Variants in GEN1 observed in about 807,000 individuals in gnomAD.
The protein encoded by GEN1 is flap endonuclease GEN homolog 1.
Under a neutral mutation model 67.6 loss-of-function variants are expected in GEN1, and 64 were observed. That is an observed-to-expected ratio of 0.95 (90% confidence interval 0.77 to 1.17). The LOEUF (loss-of-function observed/expected upper bound fraction) is 1.17, where lower values mean the gene tolerates loss of function less well. Among genes scored for constraint, GEN1 ranks in the 50% most tolerant of loss-of-function variants. The probability of loss-of-function intolerance (pLI) is 0.00; values close to 1 mark genes in which losing one functional copy is unlikely to be tolerated. For missense variants in GEN1, 1,058 were observed against 1,048.3 expected, an observed-to-expected ratio of 1.01 and a Z score of -0.13; for synonymous variants, 371 against 359.4, an observed-to-expected ratio of 1.03 and a Z score of -0.37.
intron 12 of GEN1, 116 bp downstream of exon 12, chr2:17,778,179 T>C (rs1462840873): frequency 6.5e-5 from 27 of 415,080 alleles, no homozygotes; most frequent in Admixed American, 2.0e-4. Context: ...TATGTGTATA[T>C]ATATATATAC....
intron 6 of GEN1, among the ~76,000 whole-genome samples, chr2:17,770,163 A>G (rs1046400168): frequency 6.6e-6 from 1 of 152,216 alleles, no homozygotes; most frequent in African/African-American, 2.4e-5. Flanking sequence ...AAGCAAGTGA[A>G]TATAACACCT....
Position 17,773,146 on chromosome 2 carries a change from A to G in GEN1, c.990+14A>G. 1.9e-6 allele frequency: 3 copies of G among 1,571,810 alleles called. No homozygotes were observed. The highest frequency in any genetic ancestry group is 1.1e-5 in the South Asian group (1 of 89,426). On this transcript the variant is annotated intron_variant, in intron 9 of 13. Transcript: ENST00000381254. The stretch of plus-strand genomic sequence containing the variant: ...CCATTCCATGAGGTAATATCCAGTA[A>G]TTCAACTCTATTAATTTTAGAAACT...
upstream of GEN1, chr2:17,754,076 G>A (rs1269289406): frequency 1.3e-5 from 2 of 152,348 alleles, no homozygotes; most frequent in East Asian, 3.9e-4. Context: ...AAGCCGAGCG[G>A]GCCCCATTGG....
chr2:17,761,475 C>T lies in GEN1; in HGVS notation c.241C>T (p.Leu81=), dbSNP rs1236497686. ...VFVMEGEPPK[L]KADVISKRNQ... is the part of the protein sequence containing the mutation. ...TGTTATGGAAGGGGAACCACCAAAG[C>T]TGAAAGCTGATGTCATAAGCAAGAG... is the stretch of plus-strand genomic sequence containing the variant. The change falls in exon 3 of 14, where the codon CTG becomes TTG. Residue 81 remains leucine (L), a synonymous_variant. Coordinates refer to ENST00000381254, the MANE Select transcript of GEN1 (RefSeq NM_001130009.3). The T allele has an allele frequency of 6.2e-7, 1 of 1,613,012 alleles. No individual in the cohort carries two copies. The highest frequency in any genetic ancestry group is 1.7e-5 in the Admixed American group (1 of 60,014).
Position 17,783,579 on chromosome 2 carries a change from CTGATTT to C in GEN1, c.*1642_*1647del, listed in dbSNP as rs944508987. ...AAAGAGTTTGAATGACCCACCCTTCCTGATTTTAAGTATACAGAACTACAGTAATGA... is the reference window on the plus strand; with the variant it reads ...AAAGAGTTTGAATGACCCACCCTTCCTAAGTATACAGAACTACAGTAATGA... On this transcript the variant is annotated 3_prime_UTR_variant, in exon 14 of 14. Transcript: ENST00000381254. The C allele has an allele frequency of 1.3e-5, 2 of 152,138 alleles. No homozygotes were observed. The highest frequency in any genetic ancestry group is 4.8e-5 in the African/African-American group (2 of 41,414). The allele number at this position is 152,138 out of a possible 1,614,324, so 9.4% of individuals were successfully genotyped here.
At chr2:17,769,107 C>A (rs949452292) in intron 6 of GEN1, among the ~76,000 whole-genome samples, 1 of 152,062 alleles carries the variant, frequency 6.6e-6, no homozygotes, top group Non-Finnish European at 1.5e-5. Flanking sequence ...GCAATCTCAA[C>A]CTGCCGGAGT....
chr2:17,759,509 G>A (rs983862424), intron 1 of GEN1, among the ~76,000 whole-genome samples: 1 of 151,270 alleles, frequency 6.6e-6, no homozygotes, highest in Admixed American at 6.6e-5. Flanking sequence ...ATTTTCTCTC[G>A]TTTCTTCTTC....
At chr2:17,771,944 A>G (rs945402759) in intron 7 of GEN1, among the ~76,000 whole-genome samples, 2 of 152,088 alleles carry the variant, frequency 1.3e-5, no homozygotes, top group East Asian at 3.8e-4. Flanking sequence ...AATTATAGAT[A>G]AAATCATGGA....
chr2:17,755,495 A>G (rs541086350), intron 1 of GEN1: 2 of 152,358 alleles, frequency 1.3e-5, no homozygotes, highest in African/African-American at 4.8e-5. Flanking sequence ...CGTTTAGGCT[A>G]AATTCATATG....
At position 17,782,155 on chromosome 2, in the gene GEN1, A is replaced by G. The variant is rs1360828450; in HGVS notation, c.*216A>G. 2.4e-6 allele frequency: 1 copy of G among 415,104 alleles called. No homozygotes were observed. The highest frequency in any genetic ancestry group is 4.3e-6 in the Non-Finnish European group (1 of 235,038). The allele number at this position is 415,104 out of a possible 1,614,324, so 25.7% of individuals were successfully genotyped here. ...TTGAAAACTTCTGATAATGTATGTC[A>G]TTATGTCCTTACTATTCCTTAATTG... On this transcript the variant is annotated 3_prime_UTR_variant, in exon 14 of 14. Coordinates refer to ENST00000381254, the MANE Select transcript of GEN1 (RefSeq NM_001130009.3).
rs1287646809 is a variant in GEN1, at chr2:17,780,740, G to T, written c.1528G>T (p.Gly510Trp). ...FHKQNSKLNS[G>W]ISPDPTLPQE... is the part of the protein sequence containing the mutation. Reference sequence around the variant, plus strand: ...TAAGCAGAATTCCAAGTTAAATTCGGGGATTTCCCCTGATCCTACATTACC... The same window carrying T: ...TAAGCAGAATTCCAAGTTAAATTCGTGGATTTCCCCTGATCCTACATTACC... The change falls in exon 14 of 14, where the codon GGG becomes TGG. Residue 510 changes from glycine (G) to tryptophan (W), a missense_variant. Physicochemically the swap from Gly to Trp is radical, Grantham distance 184. Coordinates refer to ENST00000381254, the MANE Select transcript of GEN1 (RefSeq NM_001130009.3). The T allele has an allele frequency of 6.2e-7, 1 of 1,613,802 alleles. No homozygotes were observed. The highest frequency in any genetic ancestry group is 1.3e-5 in the African/African-American group (1 of 74,928).
In GEN1 at chr2:17,774,378, C is replaced by T. The variant is rs2125152064; in HGVS notation, c.1179C>T (p.Asn393=). The T allele has an allele frequency of 6.2e-7, 1 of 1,603,466 alleles. No individual in the cohort carries two copies. The highest frequency in any genetic ancestry group is 1.3e-5 in the African/African-American group (1 of 74,672). ...DMIERKLGSR[N]SNQLQPIRIV... ...TAGAAAGAAAGCTTGGTAGCAGAAA[C>T]TCTAATCAACTACAGCCAATTCGGT... Residue 393 remains asparagine (N), a synonymous_variant, in exon 11 of 14, where the codon AAC becomes AAT. Transcript: ENST00000381254.
intron 2 of GEN1, 25 bp downstream of exon 2, chr2:17,760,129 A>G (rs200096955): frequency 1.6e-5 from 25 of 1,604,718 alleles, no homozygotes; most frequent in Non-Finnish European, 2.1e-5. Flanking sequence ...CTTACAGTAT[A>G]AATGTATGAT....
rs778618981 is a variant in GEN1, at chr2:17,781,026, C to A, written c.1814C>A (p.Thr605Asn). The part of the protein sequence containing the change: ...FSNSPAIQRN[T>N]FSHDLKSEVE... ...AATTCTCCAGCTATTCAAAGGAATACTTTTTCTCATGATTTAAAATCAGAA... is the reference window on the plus strand; with the variant it reads ...AATTCTCCAGCTATTCAAAGGAATAATTTTTCTCATGATTTAAAATCAGAA... The change falls in exon 14 of 14, where the codon ACT (threonine) becomes AAT (asparagine). Residue 605 changes from threonine (T) to asparagine (N), a missense_variant. Physicochemically the swap from Thr to Asn is moderately conservative, Grantham distance 65. Transcript: ENST00000381254. The A allele has an allele frequency of 2.5e-6, 4 of 1,613,810 alleles. No homozygotes were observed. In the South Asian group the frequency reaches 4.4e-5, roughly 18 times the overall value.
chr2:17,780,738 C>T lies in GEN1; in HGVS notation c.1526C>T (p.Ser509Leu), dbSNP rs150586336. ...IFHKQNSKLNSGISPDPTLPQ... is the reference protein window; with the variant it reads ...IFHKQNSKLNLGISPDPTLPQ... Reference sequence around the variant, plus strand: ...CATAAGCAGAATTCCAAGTTAAATTCGGGGATTTCCCCTGATCCTACATTA... The same window carrying T: ...CATAAGCAGAATTCCAAGTTAAATTTGGGGATTTCCCCTGATCCTACATTA... The change falls in exon 14 of 14, where the codon TCG (serine) becomes TTG (leucine). Residue 509 changes from serine (S) to leucine (L), a missense_variant. Physicochemically the swap from Ser to Leu is moderately radical, Grantham distance 145 (BLOSUM62 -2). Transcript: ENST00000381254. 55 of 1,613,864 alleles carry T rather than the reference C, an allele frequency of 3.4e-5. No individual in the cohort carries two copies. In the East Asian group the frequency reaches 6.5e-4, roughly 19 times the overall value.
chr2:17,778,441 CACAT>C (rs377407523), intron 12 of GEN1, among the ~76,000 whole-genome samples: 10 of 84,054 alleles, frequency 1.2e-4, no homozygotes, highest in African/African-American at 4.1e-4. Context: ...TATATACACA[CACAT>C]ATATGTGTGT....
Position 17,786,270 on chromosome 2 carries a change from CTG to C in GEN1, c.*4332_*4333del, listed in dbSNP as rs552337307. ...AGCACTATCAGATTTTGGATTCAAA[CTG>C]AATGCAGCCAAGCACTGCCTTTTGG... On this transcript the variant is annotated 3_prime_UTR_variant, in exon 14 of 14. Transcript: ENST00000381254. The C allele has an allele frequency of 4.3e-4, 65 of 152,326 alleles. No individual in the cohort carries two copies. The highest frequency in any genetic ancestry group is 1.5e-3 in the African/African-American group (61 of 41,560). 9.4% of individuals were successfully genotyped at this position (152,326 alleles called of 1,614,324 possible).
chr2:17,759,742 A>G (rs996747497), intron 1 of GEN1, among the ~76,000 whole-genome samples, 187 bp from the exon 2 acceptor site: 1 of 152,206 alleles, frequency 6.6e-6, no homozygotes, highest in Non-Finnish European at 1.5e-5. Context: ...TTAGCTGGGA[A>G]AAAGCCAATT....
chr2:17,771,315 G>C, intron 7 of GEN1, 28 bp downstream of exon 7: 1 of 1,249,518 alleles, frequency 8.0e-7, no homozygotes, highest in Non-Finnish European at 1.2e-6. Context: ...ATGGTTATTA[G>C]TATCTCATAC....
Sources: allele counts gnomAD v4.1 joint callset (sites outside exome capture counted in the v4.1 genomes callset), GRCh38; gene constraint gnomAD v4.1.1; transcripts MANE v1.5; gene names NCBI Gene and HGNC (gene_info 2026-07-23, HGNC 2026-07-21).